The following LRTM3 variants were observed in gnomAD, a reference collection of about 807,000 sequenced individuals.
The protein encoded by LRTM3 is leucine-rich repeat transmembrane protein 3.
chr13:102,732,665 A>G, the LRTM3 span: 1,550,454 of 1,551,248 alleles, frequency 1, 774,832 homozygotes, highest in East Asian at 1. Context: ...CTTTAGAGAT[A>G]GAAGATGCGG....
the LRTM3 span, chr13:102,746,345 C>A: frequency 6.4e-7 from 1 of 1,550,628 alleles, no homozygotes; most frequent in Non-Finnish European, 8.7e-7. Context: ...ATGGGATATG[C>A]TATTCTTAGC....
At chr13:102,741,429 T>C in the LRTM3 span, 3 of 1,550,276 alleles carry the variant, frequency 1.9e-6, no homozygotes, top group South Asian at 1.2e-5. Flanking sequence ...TCTGAATTTG[T>C]ACAAAGAAAT....
At chr13:102,738,962 GC>G in the LRTM3 span, 1 of 1,550,358 alleles carries the variant, frequency 6.5e-7, no homozygotes, top group East Asian at 2.4e-5. Context: ...CATATGTTTT[GC>G]TTTTTCAATA....
chr13:102,744,607 T>A, the LRTM3 span: 3 of 1,550,550 alleles, frequency 1.9e-6, no homozygotes, highest in Non-Finnish European at 2.6e-6. Context: ...AATTCCAAGA[T>A]CTGCCTTCGG....
chr13:102,740,396 G>C, the LRTM3 span: 6 of 1,550,230 alleles, frequency 3.9e-6, no homozygotes, highest in Non-Finnish European at 5.2e-6. Context: ...TGTCCGGCTT[G>C]ATAAATTACC....
At chr13:102,748,378 T>C in the LRTM3 span, 8 of 1,551,022 alleles carry the variant, frequency 5.2e-6, no homozygotes, top group Middle Eastern at 5.0e-4. Context: ...TTTTGCTTCC[T>C]GGGGAAATGA....
chr13:102,729,772 C>T, the LRTM3 span: 3 of 1,551,882 alleles, frequency 1.9e-6, no homozygotes, highest in Non-Finnish European at 8.7e-7. Flanking sequence ...CATACACTCT[C>T]TTCTTTCTGT....
chr13:102,747,434 T>C, the LRTM3 span: 10 of 1,547,980 alleles, frequency 6.5e-6, no homozygotes, highest in Non-Finnish European at 8.7e-6. Flanking sequence ...CATAATTACA[T>C]ATTTGACACT....
At chr13:102,736,399 C>G in the LRTM3 span, 8 of 1,550,994 alleles carry the variant, frequency 5.2e-6, no homozygotes, top group African/African-American at 2.7e-5. Context: ...TCAGGCCATG[C>G]ATGGATACTG....
At chr13:102,741,262 T>C in the LRTM3 span, 3 of 1,550,366 alleles carry the variant, frequency 1.9e-6, no homozygotes, top group South Asian at 3.6e-5. Context: ...CATTGAAACT[T>C]TCAGAGATGG....
the LRTM3 span, chr13:102,745,629 T>C: frequency 6.4e-7 from 1 of 1,551,040 alleles, no homozygotes; most frequent in Non-Finnish European, 8.7e-7. Context: ...AAGTTTCTCG[T>C]CGTTTTAGGT....
At chr13:102,735,312 C>A in the LRTM3 span, 2 of 1,551,108 alleles carry the variant, frequency 1.3e-6, no homozygotes, top group African/African-American at 2.7e-5. Flanking sequence ...TGCTTTACAT[C>A]ACTTGAAAGT....
chr13:102,733,394 G>A, the LRTM3 span: 17 of 1,551,162 alleles, frequency 1.1e-5, no homozygotes, highest in African/African-American at 1.4e-5. Flanking sequence ...AGATACTTTC[G>A]ATGAAGTTTC....
chr13:102,734,144 A>G, the LRTM3 span: 4 of 1,551,448 alleles, frequency 2.6e-6, no homozygotes, highest in South Asian at 4.8e-5. Context: ...GATATGTGAC[A>G]TTGGTGAAAT....
chr13:102,733,909 T>C, the LRTM3 span: 1 of 1,551,280 alleles, frequency 6.4e-7, no homozygotes. Context: ...CTCTATTTGT[T>C]ATTTTCTGGG....
chr13:102,730,146 T>C, the LRTM3 span: 1 of 1,549,918 alleles, frequency 6.5e-7, no homozygotes, highest in African/African-American at 1.4e-5. Context: ...ATAATTAAGG[T>C]TTCCTTTCTG....
the LRTM3 span, chr13:102,737,663 A>G: frequency 1.3e-6 from 2 of 1,550,114 alleles, no homozygotes; most frequent in South Asian, 1.2e-5. Flanking sequence ...CTCAGCTGAT[A>G]TTTTTACTTC....
the LRTM3 span, chr13:102,746,312 T>C: frequency 6.4e-7 from 1 of 1,550,994 alleles, no homozygotes; most frequent in Admixed American, 2.0e-5. Flanking sequence ...TTCCTTTCCA[T>C]CTTGCAATTT....
chr13:102,746,251 C>G, the LRTM3 span: 2 of 1,550,800 alleles, frequency 1.3e-6, no homozygotes, highest in Admixed American at 2.0e-5. Flanking sequence ...CCTCAGACCC[C>G]AGGTGCTGGC....
Sources: gnomAD v4.1 joint callset for allele counts on GRCh38, gnomAD v4.1.1 for gene constraint, MANE v1.5 for transcripts, NCBI Gene and HGNC (gene_info 2026-07-23, HGNC 2026-07-21) for gene names.